ZNF106: variants seen among roughly 807,000 people sequenced by gnomAD.
The protein encoded by ZNF106 is SH3-domain binding protein 3.
In ZNF106, 67 loss-of-function variants were observed where a neutral mutation model predicts 195.1. The ratio of observed to expected loss-of-function variants is 0.34; its 90% confidence interval spans 0.28 to 0.42. The LOEUF is 0.42. Among genes scored for constraint, ZNF106 ranks in the 10% least tolerant of loss-of-function variants. The pLI, the probability that ZNF106 is intolerant of heterozygous loss-of-function variation, is 1.00. For missense variants in ZNF106, 2,118 were observed against 2,304.5 expected, an observed-to-expected ratio of 0.92 and a Z score of 1.66; for synonymous variants, 784 against 818.6, an observed-to-expected ratio of 0.96 and a Z score of 0.72.
chr15:42,457,935 T>A (rs546444571), intron 3 of ZNF106, among the ~76,000 whole-genome samples: 4 of 152,308 alleles, frequency 2.6e-5, no homozygotes. Flanking sequence ...CTTTACATAC[T>A]TCATGCAAAT....
At chr15:42,474,964 A>G (rs964993002) in intron 1 of ZNF106, among the ~76,000 whole-genome samples, 8 of 152,186 alleles carry the variant, frequency 5.3e-5, no homozygotes, top group African/African-American at 1.9e-4. Context: ...TTTGGGGTAC[A>G]TTCCTTAGGA....
Position 42,413,953 on chromosome 15 carries a change from G to C in ZNF106, c.*3351C>G, listed in dbSNP as rs938063323. The C allele has an allele frequency of 2.0e-5, 3 of 152,204 alleles. No homozygotes were observed. Among genetic ancestry groups the C allele is most frequent in the Non-Finnish European group, 4.4e-5 (3 of 68,038 alleles). 9.4% of individuals were successfully genotyped at this position (152,204 alleles called of 1,614,324 possible). Reference sequence around the variant, plus strand: ...AAAACTTTCACAGAAAACTTGAAGTGACTGATACTTTATCACAACGAACTG... The same window carrying C: ...AAAACTTTCACAGAAAACTTGAAGTCACTGATACTTTATCACAACGAACTG... On this transcript the variant is annotated 3_prime_UTR_variant, in exon 22 of 22. Coordinates refer to ENST00000564754, the MANE Select transcript of ZNF106 (RefSeq NM_001366845.3).
intron 4 of ZNF106, 84 bp downstream of exon 4, chr15:42,456,874 G>T: frequency 1.5e-6 from 2 of 1,292,708 alleles, no homozygotes; most frequent in Non-Finnish European, 2.2e-6. Flanking sequence ...TAAATGCCAT[G>T]GGCTGACCAG....
chr15:42,424,132 T>C (rs1035735103), intron 16 of ZNF106, 72 bp from the exon 17 acceptor site: 1 of 1,318,220 alleles, frequency 7.6e-7, no homozygotes, highest in Non-Finnish European at 1.1e-6. Flanking sequence ...GTAATACACA[T>C]TGGCAAATTC....
chr15:42,477,555 T>C (rs1036796323), intron 1 of ZNF106, among the ~76,000 whole-genome samples: 1 of 152,164 alleles, frequency 6.6e-6, no homozygotes, highest in Non-Finnish European at 1.5e-5. Flanking sequence ...ACTAGGCTGA[T>C]CAACACAGCA....
rs374025826 is a variant in ZNF106, at chr15:42,439,587, A to G, written c.3990T>C (p.Cys1330=). 2 of 1,614,090 alleles carry G rather than the reference A, an allele frequency of 1.2e-6. No homozygotes were observed. Among genetic ancestry groups the G allele is most frequent in the African/African-American group, 2.7e-5 (2 of 74,936 alleles). Residue 1330 remains cysteine, a synonymous_variant, in exon 11 of 22, where the codon TGT becomes TGC. Transcript: ENST00000564754. ...PTKGNSGSEA[C]TSSFLRLSFA... ...AAGACAATCTTAGAAAAGAACTGGT[A>G]CAGGCTTCAGACCCACTATTGCCTT...
intron 13 of ZNF106, 77 bp from the exon 14 acceptor site, chr15:42,435,595 A>G (rs1317577794): frequency 3.8e-6 from 6 of 1,561,028 alleles, no homozygotes. Flanking sequence ...CAACAAAAAG[A>G]TGCTAAAACA....
At chr15:42,489,336 C>T (rs1333352851) in intron 1 of ZNF106, among the ~76,000 whole-genome samples, 1 of 151,874 alleles carries the variant, frequency 6.6e-6, no homozygotes, top group African/African-American at 2.4e-5. Context: ...TGCCATCATG[C>T]CCAGCTAATT....
Position 42,448,626 on chromosome 15 carries a change from G to C in ZNF106, c.2581C>G (p.Leu861Val), listed in dbSNP as rs2055862597. ...ACACCTTCCCACTGGAATCCTTCTA[G>C]ACTGGACAGATCAGGTTCCCCATCC... is the stretch of plus-strand genomic sequence containing the variant. ...DLDGEPDLSS[L>V]EGFQWEGVSI... Residue 861 changes from leucine (L) to valine (V), a missense_variant, in exon 6 of 22, where the codon CTA (leucine) becomes GTA (valine). Transcript: ENST00000564754. The C allele has an allele frequency of 1.9e-6, 3 of 1,613,924 alleles. No homozygotes were observed. The highest frequency in any genetic ancestry group is 2.5e-6 in the Non-Finnish European group (3 of 1,180,026).
At chr15:42,443,243 C>T (rs1316453127) in intron 9 of ZNF106, among the ~76,000 whole-genome samples, 1 of 152,116 alleles carries the variant, frequency 6.6e-6, no homozygotes. Flanking sequence ...AAGATTTGAA[C>T]CCAGGCCTTT....
intron 1 of ZNF106, among the ~76,000 whole-genome samples, chr15:42,480,230 G>A (rs765200235): frequency 5.3e-5 from 8 of 152,150 alleles, no homozygotes; most frequent in African/African-American, 7.2e-5. Flanking sequence ...ATTTTGAAGC[G>A]CTGATATCAG....
At chr15:42,475,329 C>T (rs916449616) in intron 1 of ZNF106, among the ~76,000 whole-genome samples, 1 of 152,088 alleles carries the variant, frequency 6.6e-6, no homozygotes, top group East Asian at 1.9e-4. Flanking sequence ...GTAATCCCAG[C>T]TACTCGGGAG....
chr15:42,432,621 C>T (rs1327596151), intron 14 of ZNF106, among the ~76,000 whole-genome samples: 1 of 151,706 alleles, frequency 6.6e-6, no homozygotes, highest in Non-Finnish European at 1.5e-5. Context: ...GCCTGTAATC[C>T]CAGCACTGTG....
intron 4 of ZNF106, among the ~76,000 whole-genome samples, 175 bp from the exon 5 acceptor site, chr15:42,452,129 G>A (rs1027415100): frequency 3.3e-5 from 5 of 152,070 alleles, no homozygotes; most frequent in Admixed American, 2.6e-4. Context: ...ATATTTAAAC[G>A]TATATTCCTC....
chr15:42,461,655 T>C (rs577969380), intron 3 of ZNF106, among the ~76,000 whole-genome samples: 2 of 152,334 alleles, frequency 1.3e-5, no homozygotes, highest in South Asian at 4.1e-4. Context: ...ACCAGTTACT[T>C]ATTGCTTATT....
chr15:42,451,766 C>G lies in ZNF106; in HGVS notation c.506G>C (p.Ser169Thr), dbSNP rs1399700926. 1 of 1,614,234 alleles carries G rather than the reference C, an allele frequency of 6.2e-7. No homozygotes were observed. The highest frequency in any genetic ancestry group is 1.3e-5 in the African/African-American group (1 of 75,060). ...KDGFNNTRKN[S>T]FPHSLRNGGG... is the part of the protein sequence containing the mutation. The stretch of plus-strand genomic sequence containing the variant: ...ACCATTCCTCAAAGAATGTGGAAAG[C>G]TGTTTTTCCTAGTATTATTAAAGCC... The change falls in exon 5 of 22, where the codon AGC becomes ACC. Residue 169 changes from serine (S) to threonine (T), a missense_variant. By Grantham distance (58) the Ser-to-Thr change is moderately conservative. Coordinates refer to ENST00000564754, the MANE Select transcript of ZNF106 (RefSeq NM_001366845.3).
Position 42,448,547 on chromosome 15 carries a change from C to G in ZNF106, c.2660G>C (p.Ser887Thr). Reference sequence around the variant, plus strand: ...AGAAGGAGCTCTGTCCATGATCACGCTGCTCTCAGAAAGGCTTCGCTTTCT... The same window carrying G: ...AGAAGGAGCTCTGTCCATGATCACGGTGCTCTCAGAAAGGCTTCGCTTTCT... ...LARKRSLSES[S>T]VIMDRAPSVY... The change falls in exon 6 of 22, where the codon AGC becomes ACC. Residue 887 changes from serine to threonine, a missense_variant. Coordinates refer to ENST00000564754, the MANE Select transcript of ZNF106 (RefSeq NM_001366845.3). 1.2e-6 allele frequency: 2 copies of G among 1,614,138 alleles called. No individual in the cohort carries two copies. The highest frequency in any genetic ancestry group is 2.2e-5 in the South Asian group (2 of 91,080).
At chr15:42,418,558 T>TTTTTTTTTTC (rs1256860572) in intron 20 of ZNF106, among the ~76,000 whole-genome samples, 1 of 141,194 alleles carries the variant, frequency 7.1e-6, no homozygotes, top group Admixed American at 7.6e-5. Flanking sequence ...TTTTTTTTTT[T>TTTTTTTTTTC]AGTAAAGACA....
At chr15:42,468,472 C>G (rs2056584125) in intron 2 of ZNF106, among the ~76,000 whole-genome samples, 2 of 151,760 alleles carry the variant, frequency 1.3e-5, no homozygotes, top group Admixed American at 1.3e-4. Flanking sequence ...AGGCCAGGTG[C>G]GGTGGCTCAC....
Sources: allele counts gnomAD v4.1 joint callset (sites outside exome capture counted in the v4.1 genomes callset), GRCh38; gene constraint gnomAD v4.1.1; transcripts MANE v1.5; gene names NCBI Gene and HGNC (gene_info 2026-07-23, HGNC 2026-07-21).